Variants in FAF2 observed in about 807,000 individuals in gnomAD.
FAF2 encodes the protein Fas associated factor family member 2.
Under a neutral mutation model 62.3 loss-of-function variants are expected in FAF2, and 9 were observed. The ratio of observed to expected loss-of-function variants is 0.14; its 90% CI spans 0.09 to 0.25. The LOEUF (loss-of-function observed/expected upper bound fraction) is 0.25. FAF2 is among the 10% of genes least tolerant of loss of function. The probability of loss-of-function intolerance (pLI) is 1.00; values close to 1 mark genes in which losing one functional copy is unlikely to be tolerated. For missense variants in FAF2, 368 were observed against 556.2 expected (o/e 0.66, Z 3.40); for synonymous variants, 202 against 198.0 (o/e 1.02, Z -0.17).
intron 1 of FAF2, 83 bp from the exon 2 acceptor site, chr5:176,479,105 T>G (rs1226427598): frequency 1.9e-6 from 2 of 1,065,168 alleles, no homozygotes; most frequent in Non-Finnish European, 2.9e-6. Flanking sequence ...TAGTGTATTT[T>G]CCTAGCAGTA....
intron 1 of FAF2, among the ~76,000 whole-genome samples, chr5:176,478,709 G>A (rs574857594): frequency 2.0e-5 from 3 of 152,288 alleles, no homozygotes; most frequent in Non-Finnish European, 2.9e-5. Context: ...GAATATTTAC[G>A]TTTTACTGAA....
intron 10 of FAF2, among the ~76,000 whole-genome samples, chr5:176,504,431 A>G (rs1213073811): frequency 6.6e-6 from 1 of 152,022 alleles, no homozygotes; most frequent in Admixed American, 6.6e-5. Flanking sequence ...AAAAAACACA[A>G]AAATTAGCTG....
chr5:176,482,204 A>T (rs1294947673), intron 2 of FAF2, among the ~76,000 whole-genome samples: 3 of 146,826 alleles, frequency 2.0e-5, no homozygotes, highest in Non-Finnish European at 4.5e-5. Flanking sequence ...TATCTTTTTC[A>T]TGTTGAGCTG....
At chr5:176,476,804 ATTTTTT>A (rs749952460) in intron 1 of FAF2, among the ~76,000 whole-genome samples, 33 of 92,872 alleles carry the variant, frequency 3.6e-4, no homozygotes, top group Non-Finnish European at 5.2e-4. Context: ...TGCTGAACTA[ATTTTTT>A]TTTTTTTTTT....
chr5:176,505,441 A>G (rs1330515514), intron 10 of FAF2, among the ~76,000 whole-genome samples: 2 of 152,210 alleles, frequency 1.3e-5, no homozygotes, highest in Non-Finnish European at 2.9e-5. Flanking sequence ...GGAGATTCAT[A>G]TGAGGTGCAA....
chr5:176,493,980 G>A lies in FAF2; in HGVS notation c.484-19G>A. The A allele has an allele frequency of 6.3e-7, 1 of 1,582,306 alleles. No homozygotes were observed. Among genetic ancestry groups the A allele is most frequent in the Middle Eastern group, 1.7e-4 (1 of 5,992 alleles). Reference sequence around the variant, plus strand: ...AGGCACAGTCTTCTTAATAGTGAGTGACCTTCTCTTTCTCACAGGCACTTA... The same window carrying A: ...AGGCACAGTCTTCTTAATAGTGAGTAACCTTCTCTTTCTCACAGGCACTTA... On this transcript the variant is annotated intron_variant, in intron 5 of 10. Transcript: ENST00000261942.
At chr5:176,499,485 T>C (rs539953674) in intron 9 of FAF2, among the ~76,000 whole-genome samples, 1 of 152,314 alleles carries the variant, frequency 6.6e-6, no homozygotes, top group African/African-American at 2.4e-5. Context: ...CATTATCTTT[T>C]TGTTTTTGTT....
chr5:176,464,290 T>G (rs1313238869), intron 1 of FAF2, among the ~76,000 whole-genome samples: 2 of 151,604 alleles, frequency 1.3e-5, no homozygotes, highest in South Asian at 2.1e-4. Context: ...TTGTGGGGGG[T>G]TTTTTTGGAA....
chr5:176,448,504 C>T (rs778389356), intron 1 of FAF2, 34 bp downstream of exon 1: 4 of 1,568,198 alleles, frequency 2.6e-6, no homozygotes, highest in South Asian at 2.3e-5. Flanking sequence ...CAGATGCCTC[C>T]GTGGGATGGG....
Position 176,506,779 on chromosome 5 carries a change from C to T in FAF2, c.1167C>T (p.Asp389=), listed in dbSNP as rs757648388. The T allele has an allele frequency of 6.2e-7, 1 of 1,613,508 alleles. No homozygotes were observed. The highest frequency in any genetic ancestry group is 1.1e-5 in the South Asian group (1 of 91,028). Residue 389 remains aspartate (D), a synonymous_variant, in exon 11 of 11, where the codon GAC becomes GAT. Coordinates refer to ENST00000261942, the MANE Select transcript of FAF2 (RefSeq NM_014613.3). ...TATGACCTCTGCAGGTAATCCACGACTTCTTATTCTCCTTGAAGGAAAGCC... is the reference window on the plus strand; with the variant it reads ...TATGACCTCTGCAGGTAATCCACGATTTCTTATTCTCCTTGAAGGAAAGCC... ...HFSQSLTVIH[D]FLFSLKESPE... is the part of the protein sequence containing the mutation.
chr5:176,502,808 G>T (rs1755617737), intron 10 of FAF2, among the ~76,000 whole-genome samples: 1 of 152,134 alleles, frequency 6.6e-6, no homozygotes, highest in Admixed American at 6.6e-5. Flanking sequence ...CCAGCACTTT[G>T]GGGGGCCGAG....
At chr5:176,460,318 C>A (rs1001853691) in intron 1 of FAF2, among the ~76,000 whole-genome samples, 1 of 152,100 alleles carries the variant, frequency 6.6e-6, no homozygotes, top group African/African-American at 2.4e-5. Context: ...CCCCAGACTG[C>A]TTTCCACAGT....
intron 4 of FAF2, among the ~76,000 whole-genome samples, chr5:176,491,231 T>C (rs1758966634): frequency 1.3e-5 from 2 of 152,242 alleles, no homozygotes; most frequent in Non-Finnish European, 2.9e-5. Flanking sequence ...CCAGCTTGTT[T>C]AATGTTAGGT....
chr5:176,475,371 A>C (rs976530792), intron 1 of FAF2, among the ~76,000 whole-genome samples: 8 of 151,944 alleles, frequency 5.3e-5, no homozygotes, highest in Non-Finnish European at 1.2e-4. Flanking sequence ...GGCTGAAGTG[A>C]TCCACCCACC....
intron 10 of FAF2, among the ~76,000 whole-genome samples, chr5:176,502,093 T>C (rs1003423626): frequency 6.6e-6 from 1 of 152,108 alleles, no homozygotes; most frequent in African/African-American, 2.4e-5. Flanking sequence ...ATTGAGATAA[T>C]GTGGATGCGC....
intron 1 of FAF2, among the ~76,000 whole-genome samples, chr5:176,454,026 A>G (rs1318869769): frequency 1.3e-5 from 2 of 151,098 alleles, no homozygotes; most frequent in East Asian, 3.9e-4. Context: ...ACTGCACTCC[A>G]GCCTGGGCAA....
chr5:176,463,245 A>C lies in FAF2; in HGVS notation c.63+14775A>C, dbSNP rs193106186. Among the ~76,000 whole-genome samples, 130 of 152,126 alleles carry C rather than the reference A, an allele frequency of 8.5e-4. 1 individual carries two copies. In the South Asian group the frequency reaches 0.015, roughly 18 times the overall value. On this transcript the variant is annotated intron_variant, in intron 1 of 10. Coordinates refer to ENST00000261942, the MANE Select transcript of FAF2 (RefSeq NM_014613.3). ...CCCGTCTCTACTAAGAATACAAAAA[A>C]AATTAGCCAGGCATGGTGGCAGACT...
rs1263952302 is a variant in FAF2, at chr5:176,508,046, T to C, written c.*1096T>C. 2.6e-5 allele frequency: 4 copies of C among 152,608 alleles called. No individual in the cohort carries two copies. The highest frequency in any genetic ancestry group is 5.9e-5 in the Non-Finnish European group (4 of 68,038). 9.5% of individuals were successfully genotyped at this position (152,608 alleles called of 1,614,324 possible). A position where few individuals can be genotyped will look rare whatever the true frequency, so the allele number is the denominator to read the frequency against. On this transcript the variant is annotated 3_prime_UTR_variant, in exon 11 of 11. Transcript: ENST00000261942. Reference sequence around the variant, plus strand: ...TGCCTGTCTCAGTGGAAGTGTATTATTGTTTTAAGGATAGAACCAGAGGCC... The same window carrying C: ...TGCCTGTCTCAGTGGAAGTGTATTACTGTTTTAAGGATAGAACCAGAGGCC...
intron 1 of FAF2, among the ~76,000 whole-genome samples, chr5:176,456,919 T>TA (rs1758285750): frequency 6.7e-6 from 1 of 148,244 alleles, no homozygotes. Context: ...TTGACATACT[T>TA]ACTCAGTAGT....
Sources: allele counts gnomAD v4.1 joint callset (sites outside exome capture counted in the v4.1 genomes callset), GRCh38; gene constraint gnomAD v4.1.1; transcripts MANE v1.5; gene names NCBI Gene and HGNC (gene_info 2026-07-23, HGNC 2026-07-21).